OSTN: variants seen among roughly 807,000 people sequenced by gnomAD.
OSTN encodes the protein osteocrin.
A neutral mutation model predicts 12.0 loss-of-function variants in OSTN; 9 were observed. The ratio of observed to expected loss-of-function variants is 0.75; its 90% CI spans 0.45 to 1.30. The LOEUF (loss-of-function observed/expected upper bound fraction) is 1.30, where lower values mean the gene tolerates loss of function less well. Ranked by LOEUF, OSTN falls within the 50% of genes most tolerant of loss-of-function variation. The pLI is 0.00. For synonymous variants in OSTN, 59 were observed against 56.9 expected, an observed-to-expected ratio of 1.04 and a Z score of -0.16; for missense variants, 148 against 152.3, an observed-to-expected ratio of 0.97 and a Z score of 0.15.
chr3:191,256,815 TACA>T (rs1715681077), intron 4 of OSTN, among the ~76,000 whole-genome samples: 1 of 152,144 alleles, frequency 6.6e-6, no homozygotes, highest in Admixed American at 6.5e-5. Context: ...TATAACCTCT[TACA>T]ATTTTTAAAA....
At chr3:191,249,516 C>G (rs1013487697) in intron 3 of OSTN, among the ~76,000 whole-genome samples, 3 of 152,074 alleles carry the variant, frequency 2.0e-5, no homozygotes, top group Non-Finnish European at 4.4e-5. Context: ...CCATCACATA[C>G]AAAGCTTCTC....
intron 3 of OSTN, among the ~76,000 whole-genome samples, chr3:191,235,667 A>G (rs567037063): frequency 2.1e-4 from 32 of 152,022 alleles, no homozygotes; most frequent in Non-Finnish European, 3.5e-4. Context: ...CTACTCTCTC[A>G]TCTTCTGCAT....
chr3:191,213,742 T>C (rs543547162), intron 2 of OSTN, among the ~76,000 whole-genome samples: 4 of 151,860 alleles, frequency 2.6e-5, no homozygotes, highest in South Asian at 2.1e-4. Flanking sequence ...AAAAGCATTA[T>C]ATTAAAGGAC....
intron 3 of OSTN, among the ~76,000 whole-genome samples, chr3:191,232,246 G>T (rs972164204): frequency 6.8e-6 from 1 of 147,560 alleles, no homozygotes; most frequent in Non-Finnish European, 1.5e-5. Context: ...CATGAGAATC[G>T]CTTGAACACG....
At position 191,265,177 on chromosome 3, in the gene OSTN, T is replaced by C. The variant is rs1361368437; in HGVS notation, c.*2324T>C. The stretch of plus-strand genomic sequence containing the variant: ...TATGACAAGTCATCTCACTTATTTA[T>C]CCAATGCATTAGGTATTACTAATCC... On this transcript the variant is annotated 3_prime_UTR_variant, in exon 5 of 5. Coordinates refer to ENST00000682035, the MANE Select transcript of OSTN (RefSeq NM_198184.2). The C allele has an allele frequency of 6.6e-6, 1 of 152,206 alleles. No individual in the cohort carries two copies. The highest frequency in any genetic ancestry group is 1.5e-5 in the Non-Finnish European group (1 of 68,010). The allele number at this position is 152,206 out of a possible 1,614,324, so 9.4% of individuals were successfully genotyped here. A position where few individuals can be genotyped will look rare whatever the true frequency, so the allele number is the denominator to read the frequency against.
intron 1 of OSTN, among the ~76,000 whole-genome samples, chr3:191,209,423 T>C (rs148383760): frequency 1.5e-3 from 234 of 152,308 alleles, no homozygotes; most frequent in African/African-American, 5.2e-3. Flanking sequence ...TGCTTTTATG[T>C]TTACAGAAAA....
At chr3:191,254,998 G>C (rs4687201) in intron 4 of OSTN, among the ~76,000 whole-genome samples, 119,691 of 152,136 alleles carry the variant, frequency 0.79, 47,445 homozygotes, top group African/African-American at 0.88. Flanking sequence ...ACATTCTTTA[G>C]TTCAGCTGTC....
chr3:191,231,467 A>G (rs1163326362), intron 3 of OSTN, among the ~76,000 whole-genome samples: 1 of 152,156 alleles, frequency 6.6e-6, no homozygotes, highest in Non-Finnish European at 1.5e-5. Flanking sequence ...AAAATTTTAT[A>G]AAAATTATAA....
intron 1 of OSTN, among the ~76,000 whole-genome samples, chr3:191,208,902 A>C (rs1177254038): frequency 6.6e-6 from 1 of 152,224 alleles, no homozygotes; most frequent in Non-Finnish European, 1.5e-5. Context: ...TCACGCCTAT[A>C]ATCCCAGCAC....
intron 3 of OSTN, among the ~76,000 whole-genome samples, chr3:191,237,905 TAAC>T (rs996537555): frequency 2.0e-5 from 3 of 152,204 alleles, no homozygotes; most frequent in African/African-American, 7.2e-5. Context: ...CTATGCACTG[TAAC>T]AACAGGTTCA....
intron 3 of OSTN, among the ~76,000 whole-genome samples, chr3:191,248,733 C>A (rs991551238): frequency 6.6e-6 from 1 of 152,128 alleles, no homozygotes; most frequent in African/African-American, 2.4e-5. Context: ...ATCGCTTGTG[C>A]TCAGGAGTTT....
chr3:191,251,600 C>T (rs1715562226), intron 4 of OSTN, among the ~76,000 whole-genome samples: 1 of 152,184 alleles, frequency 6.6e-6, no homozygotes, highest in African/African-American at 2.4e-5. Flanking sequence ...TTTTTCTCAA[C>T]TCTCTCGTTC....
At chr3:191,262,300 C>G (rs1028012561) in intron 4 of OSTN, among the ~76,000 whole-genome samples, 10 of 152,196 alleles carry the variant, frequency 6.6e-5, no homozygotes, top group African/African-American at 2.2e-4. Context: ...TAATGTGAGA[C>G]ACATGTTGCT....
chr3:191,205,324 G>C (rs1326736654), intron 1 of OSTN, among the ~76,000 whole-genome samples: 1 of 152,054 alleles, frequency 6.6e-6, no homozygotes, highest in Non-Finnish European at 1.5e-5. Flanking sequence ...GTCTGAGCCT[G>C]AGTTTTTCCC....
rs780898720 is a variant in OSTN, at chr3:191,218,972, T to C, written c.317+11T>C. 6.3e-7 allele frequency: 1 copy of C among 1,585,760 alleles called. No individual in the cohort carries two copies. Among genetic ancestry groups the C allele is most frequent in the Non-Finnish European group, 8.6e-7 (1 of 1,168,530 alleles). On this transcript the variant is annotated intron_variant, in intron 3 of 4. Coordinates refer to ENST00000682035, the MANE Select transcript of OSTN (RefSeq NM_198184.2). ...CAAAGGTAAACAGAGGTAAGTGAAC[T>C]CAGAAAAAGAAAGTTTTTATTTTCT...
At chr3:191,209,801 G>T (rs1036943358) in intron 1 of OSTN, among the ~76,000 whole-genome samples, 1 of 152,058 alleles carries the variant, frequency 6.6e-6, no homozygotes, top group African/African-American at 2.4e-5. Flanking sequence ...TTTTAGGAAT[G>T]TGGGCCAAAG....
intron 3 of OSTN, among the ~76,000 whole-genome samples, chr3:191,236,801 C>T (rs1012504550): frequency 6.6e-6 from 1 of 152,158 alleles, no homozygotes; most frequent in African/African-American, 2.4e-5. Flanking sequence ...CATCCTCTGA[C>T]TAAAATGCCT....
intron 1 of OSTN, 142 bp downstream of exon 1, chr3:191,199,449 G>A (rs945061281): frequency 6.6e-6 from 1 of 151,976 alleles, no homozygotes; most frequent in Non-Finnish European, 1.5e-5. Context: ...AAAATGAGTA[G>A]AAAATCAAAG....
At chr3:191,220,110 GCCA>G (rs1714725363) in intron 3 of OSTN, among the ~76,000 whole-genome samples, 2 of 152,120 alleles carry the variant, frequency 1.3e-5, no homozygotes, top group East Asian at 3.9e-4. Flanking sequence ...CACATCCTTT[GCCA>G]CCATCTTTCT....
Sources: gnomAD v4.1 joint callset for allele counts (sites outside exome capture counted in the v4.1 genomes callset) on GRCh38, gnomAD v4.1.1 for gene constraint, MANE v1.5 for transcripts, NCBI Gene and HGNC (gene_info 2026-07-23, HGNC 2026-07-21) for gene names.